ZFHX3: variants seen among roughly 807,000 people sequenced by gnomAD.
The protein encoded by ZFHX3 is zinc finger homeobox protein 3.
A neutral mutation model predicts 279.1 loss-of-function variants in ZFHX3; 42 were observed. The ratio of observed to expected loss-of-function variants is 0.15; its 90% CI spans 0.12 to 0.19. ZFHX3 has a LOEUF of 0.19. Ranked by LOEUF, ZFHX3 falls within the 10% of genes least tolerant of loss-of-function variation. The probability of loss-of-function intolerance (pLI) is 1.00; values close to 1 mark genes in which losing one functional copy is unlikely to be tolerated. For missense variants in ZFHX3, 4,981 were observed against 4,754.0 expected, an observed-to-expected ratio of 1.05 and a Z score of -1.40; for synonymous variants, 2,293 against 1,957.8, an observed-to-expected ratio of 1.17 and a Z score of -4.52.
chr16:72,997,497 A>G (rs4788687), intron 1 of ZFHX3, among the ~76,000 whole-genome samples: 43,756 of 152,052 alleles, frequency 0.29, 6,359 homozygotes, highest in Admixed American at 0.37. Context: ...TCTTCTCGCT[A>G]CACATCTGTC....
intron 1 of ZFHX3, among the ~76,000 whole-genome samples, chr16:73,772,358 T>C (rs936122305): frequency 6.6e-6 from 1 of 152,168 alleles, no homozygotes; most frequent in African/African-American, 2.4e-5. Flanking sequence ...AGAGAGAGCT[T>C]GTGCAGATAA....
intron 2 of ZFHX3, among the ~76,000 whole-genome samples, chr16:73,632,298 T>C (rs1439735296): frequency 6.6e-6 from 1 of 152,182 alleles, no homozygotes; most frequent in Non-Finnish European, 1.5e-5. Flanking sequence ...TGTTGGATTA[T>C]CAAAGCTCAC....
intron 1 of ZFHX3, among the ~76,000 whole-genome samples, chr16:73,805,271 C>A (rs955705803): frequency 1.3e-5 from 2 of 152,104 alleles, no homozygotes; most frequent in South Asian, 2.1e-4. Flanking sequence ...CAGGTTCAAG[C>A]GATTCTCCTG....
At chr16:73,134,331 CTTTTTTTTTTTTTTTTT>C (rs58052486) in intron 6 of ZFHX3, among the ~76,000 whole-genome samples, 1 of 50,282 alleles carries the variant, frequency 2.0e-5, no homozygotes, top group Non-Finnish European at 3.3e-5. Flanking sequence ...CTCCCCACCT[CTTTTTTTTTTTTTTTTT>C]TTTTTTTTTT....
intron 5 of ZFHX3, among the ~76,000 whole-genome samples, chr16:73,217,280 C>T (rs2012246776): frequency 6.6e-6 from 1 of 152,200 alleles, no homozygotes; most frequent in South Asian, 2.1e-4. Flanking sequence ...TTACCAGCTG[C>T]TGCAGCCTTC....
chr16:72,879,690 T>A (rs2038411154), intron 4 of ZFHX3, among the ~76,000 whole-genome samples: 1 of 152,206 alleles, frequency 6.6e-6, no homozygotes, highest in Admixed American at 6.5e-5. Context: ...CCTCCCAAAG[T>A]GCTGGATTAC....
intron 1 of ZFHX3, among the ~76,000 whole-genome samples, chr16:72,998,885 C>T (rs1032614293): frequency 3.3e-5 from 5 of 152,214 alleles, no homozygotes; most frequent in African/African-American, 1.2e-4. Context: ...CAGATCGTCT[C>T]TCTGGGGCTT....
chr16:73,684,156 A>C (rs1567551134), intron 1 of ZFHX3, among the ~76,000 whole-genome samples: 1 of 152,124 alleles, frequency 6.6e-6, no homozygotes, highest in East Asian at 1.9e-4. Context: ...TAGCTGAGTG[A>C]GGTGGTGGGT....
At chr16:73,857,541 G>A (rs1321654333) in intron 1 of ZFHX3, among the ~76,000 whole-genome samples, 2 of 152,054 alleles carry the variant, frequency 1.3e-5, no homozygotes, top group Admixed American at 1.3e-4. Flanking sequence ...GGGGAGGAGA[G>A]GAAAAGCTAC....
chr16:73,579,673 T>C (rs1387762287), intron 2 of ZFHX3, among the ~76,000 whole-genome samples: 1 of 150,514 alleles, frequency 6.6e-6, no homozygotes, highest in Non-Finnish European at 1.5e-5. Context: ...GGCTAATTTT[T>C]TTGTATTTTT....
chr16:73,749,615 G>A (rs1358882752), intron 1 of ZFHX3, among the ~76,000 whole-genome samples: 2 of 152,134 alleles, frequency 1.3e-5, no homozygotes, highest in East Asian at 3.9e-4. Flanking sequence ...AGAAAATAAA[G>A]CACCAGGTAA....
intron 1 of ZFHX3, among the ~76,000 whole-genome samples, chr16:72,988,080 C>G (rs893809202): frequency 5.9e-5 from 9 of 152,182 alleles, no homozygotes; most frequent in Non-Finnish European, 1.3e-4. Flanking sequence ...AAAACATACC[C>G]TAAGAACAAT....
chr16:72,950,010 T>G (rs1597002569), intron 3 of ZFHX3, among the ~76,000 whole-genome samples: 1 of 129,224 alleles, frequency 7.7e-6, no homozygotes, highest in African/African-American at 3.0e-5. Flanking sequence ...CATATGTTGG[T>G]GGAATGATGG....
At chr16:73,049,388 G>A (rs1185569535), upstream of ZFHX3, among the ~76,000 whole-genome samples, 1 of 152,240 alleles carries the variant, frequency 6.6e-6, no homozygotes, top group Non-Finnish European at 1.5e-5. Context: ...GCGAAGAGCA[G>A]TATGTATGGA....
chr16:73,473,494 A>G (rs957134074), intron 2 of ZFHX3, among the ~76,000 whole-genome samples: 7 of 152,122 alleles, frequency 4.6e-5, no homozygotes, highest in African/African-American at 1.7e-4. Context: ...AATCTGCCCA[A>G]CGCTTGAGAG....
chr16:73,214,835 C>T (rs954303554), intron 5 of ZFHX3, among the ~76,000 whole-genome samples: 35 of 138,134 alleles, frequency 2.5e-4, no homozygotes, highest in Non-Finnish European at 4.3e-4. Flanking sequence ...CATTGAAATG[C>T]TGAAGGCCTT....
chr16:72,794,008 A>C lies in ZFHX3; in HGVS notation c.8674T>G (p.Ser2892Ala). The change falls in exon 9 of 10, where the codon TCT becomes GCT. Residue 2892 changes from serine (S) to alanine (A), a missense_variant. Physicochemically the swap from Ser to Ala is moderately conservative, Grantham distance 99 (BLOSUM62 1). Around this residue, in one of 7 missense-constraint regions of ZFHX3, gnomAD observed 744 missense variants for 701.3 expected, o/e 1.06. Transcript: ENST00000268489. This position sits in a 1 kb window ranked among gnomAD's most constrained non-coding sequence, Gnocchi z 4.2. ...CTCGGGGCCGGGCTGACCAGACCAG[A>C]TGACAACCGATCTTCATACTCAGAC... ...AMSEYEDRLSSGLVSPAPSFY... is the reference protein window; with the variant it reads ...AMSEYEDRLSAGLVSPAPSFY... 1 of 1,614,188 alleles carries C rather than the reference A, an allele frequency of 6.2e-7. No individual in the cohort carries two copies. Among genetic ancestry groups the C allele is most frequent in the South Asian group, 1.1e-5 (1 of 91,090 alleles).
intron 2 of ZFHX3, among the ~76,000 whole-genome samples, chr16:73,664,860 CA>C (rs563594425): frequency 1.8e-4 from 27 of 152,232 alleles, no homozygotes; most frequent in African/African-American, 6.5e-4. Context: ...TTCCGTATAC[CA>C]ATATTTTTTT....
At chr16:73,275,688 G>A (rs909490508) in intron 4 of ZFHX3, among the ~76,000 whole-genome samples, 2 of 152,170 alleles carry the variant, frequency 1.3e-5, no homozygotes, top group South Asian at 4.1e-4. Flanking sequence ...ATAGCATTAT[G>A]TTTTAAAGCC....
Sources: gnomAD v4.1 joint callset for allele counts (sites outside exome capture counted in the v4.1 genomes callset) on GRCh38, gnomAD v4.1.1 for gene constraint, gnomAD v4.1.1 regional missense constraint, Gnocchi (gnomAD v3.1) non-coding constraint, MANE v1.5 for transcripts, NCBI Gene and HGNC (gene_info 2026-07-23, HGNC 2026-07-21) for gene names.